The following SPAG9 variants were observed in gnomAD, a reference collection of about 807,000 sequenced individuals.
SPAG9 encodes the protein sperm associated antigen 9.
In SPAG9, 35 loss-of-function variants were observed where a neutral mutation model predicts 166.5. That is an observed-to-expected ratio of 0.21 (90% confidence interval 0.16 to 0.28). The LOEUF is 0.28. SPAG9 is among the 10% of genes least tolerant of loss of function. SPAG9 has a pLI of 1.00. For synonymous variants in SPAG9, 534 were observed against 565.5 expected, an observed-to-expected ratio of 0.94 and a Z score of 0.79; for missense variants, 1,235 against 1,603.3, an observed-to-expected ratio of 0.77 and a Z score of 3.92.
At chr17:51,062,726 G>C (rs1397633339) in intron 2 of SPAG9, among the ~76,000 whole-genome samples, 2 of 152,160 alleles carry the variant, frequency 1.3e-5, no homozygotes, top group African/African-American at 4.8e-5. Flanking sequence ...GAGTAGCTGG[G>C]ACTACAGGCA....
In SPAG9 at chr17:50,965,215, C is replaced by A. The variant is rs1973303663; in HGVS notation, c.*1057G>T. On this transcript the variant is annotated 3_prime_UTR_variant, in exon 30 of 30. Transcript: ENST00000262013. The stretch of plus-strand genomic sequence containing the variant: ...GGCACAAAAGCTAAAACGTTATTCA[C>A]GTACAAAATACCAAGTATATAGCTG... The A allele has an allele frequency of 1.3e-5, 2 of 152,178 alleles. No individual in the cohort carries two copies. The highest frequency in any genetic ancestry group is 2.1e-4 in the South Asian group (1 of 4,834). 9.4% of individuals were successfully genotyped at this position (152,178 alleles called of 1,614,324 possible).
chr17:51,098,110 C>T (rs1325725519), intron 1 of SPAG9, among the ~76,000 whole-genome samples: 3 of 152,108 alleles, frequency 2.0e-5, no homozygotes, highest in Admixed American at 6.6e-5. Context: ...AGGCATGAGC[C>T]ACTGCACCTG....
intron 1 of SPAG9, among the ~76,000 whole-genome samples, chr17:51,104,560 C>T (rs925290100): frequency 2.0e-5 from 3 of 151,904 alleles, no homozygotes; most frequent in Non-Finnish European, 1.5e-5. Flanking sequence ...CGCTTGAACC[C>T]GGGAGGTGGA....
intron 3 of SPAG9, among the ~76,000 whole-genome samples, chr17:51,055,266 T>C (rs925902691): frequency 6.6e-6 from 1 of 151,872 alleles, no homozygotes; most frequent in Non-Finnish European, 1.5e-5. Context: ...GGGAGGAGAA[T>C]CGCTTGAACC....
intron 18 of SPAG9, among the ~76,000 whole-genome samples, chr17:50,994,436 C>A (rs948544690): frequency 6.6e-6 from 1 of 152,064 alleles, no homozygotes; most frequent in Admixed American, 6.6e-5. Flanking sequence ...AACCACCTAT[C>A]AATATTAATT....
intron 28 of SPAG9, among the ~76,000 whole-genome samples, chr17:50,973,436 C>G (rs1028221172): frequency 3.9e-5 from 6 of 151,918 alleles, no homozygotes; most frequent in Non-Finnish European, 8.8e-5. Flanking sequence ...AATGACTATA[C>G]AAATATATAA....
At chr17:51,048,006 G>A (rs2047077768) in intron 3 of SPAG9, among the ~76,000 whole-genome samples, 1 of 151,958 alleles carries the variant, frequency 6.6e-6, no homozygotes, top group Non-Finnish European at 1.5e-5. Flanking sequence ...TCTTCTTTCG[G>A]TATATTTAGT....
intron 29 of SPAG9, among the ~76,000 whole-genome samples, chr17:50,966,746 T>C (rs1280732696): frequency 2.6e-5 from 4 of 152,190 alleles, no homozygotes; most frequent in African/African-American, 7.2e-5. Context: ...GTCACTTATT[T>C]TAAACTAAGA....
Position 50,965,391 on chromosome 17 carries a change from T to C in SPAG9, c.*881A>G, listed in dbSNP as rs1222102309. 6.6e-6 allele frequency: 1 copy of C among 152,216 alleles called. No homozygotes were observed. The highest frequency in any genetic ancestry group is 1.5e-5 in the Non-Finnish European group (1 of 68,038). 9.4% of individuals were successfully genotyped at this position (152,216 alleles called of 1,614,324 possible). ...ACATTTGGCAAACAAGTACATTTTT[T>C]ACATGGAAAAAACTCAATCAACATC... On this transcript the variant is annotated 3_prime_UTR_variant, in exon 30 of 30. Coordinates refer to ENST00000262013, the MANE Select transcript of SPAG9 (RefSeq NM_001130528.3).
chr17:51,014,660 C>T (rs1419814689), intron 8 of SPAG9: 2 of 221,202 alleles, frequency 9.0e-6, no homozygotes, highest in African/African-American at 4.5e-5. Context: ...TTACCTATGT[C>T]ACAAGAAGGC....
intron 2 of SPAG9, among the ~76,000 whole-genome samples, chr17:51,076,972 T>C (rs943952161): frequency 6.9e-6 from 1 of 145,624 alleles, no homozygotes; most frequent in Admixed American, 7.3e-5. Context: ...CTTGTCTCTA[T>C]CTATCTATCT....
chr17:50,980,790 G>A (rs756517488), intron 25 of SPAG9, among the ~76,000 whole-genome samples: 1 of 114,730 alleles, frequency 8.7e-6, no homozygotes, highest in Non-Finnish European at 2.1e-5. Flanking sequence ...TTGAGCCCAG[G>A]AGTTTGAGGC....
chr17:51,090,740 A>G (rs1445902115), intron 1 of SPAG9, among the ~76,000 whole-genome samples: 3 of 152,206 alleles, frequency 2.0e-5, no homozygotes, highest in Non-Finnish European at 4.4e-5. Context: ...GTTAAGGCTG[A>G]TAAGAGATGG....
intron 5 of SPAG9, among the ~76,000 whole-genome samples, chr17:51,033,023 G>GT (rs57702261): frequency 7.6e-4 from 112 of 146,748 alleles, no homozygotes; most frequent in Middle Eastern, 3.5e-3. Flanking sequence ...AACAGATGTG[G>GT]TTTTTTTTTT....
chr17:51,095,960 T>TATATATATAGTGATATATATATATAGTG (rs1555659785), intron 1 of SPAG9, among the ~76,000 whole-genome samples: 2 of 79,912 alleles, frequency 2.5e-5, no homozygotes, highest in African/African-American at 1.6e-4. Context: ...TATATAGTGA[T>TATATATATAGTGATATATATATATAGTG]ATATATATAT....
intron 19 of SPAG9, among the ~76,000 whole-genome samples, chr17:50,992,167 T>C (rs1267862137): frequency 3.3e-5 from 5 of 151,792 alleles, no homozygotes; most frequent in African/African-American, 9.7e-5. Flanking sequence ...GGATTATGAG[T>C]GTGAACCTCC....
At position 51,077,061 on chromosome 17, in the gene SPAG9, T is replaced by G. The variant is rs371766339; in HGVS notation, c.424+2523A>C. Among the ~76,000 whole-genome samples the G allele has an allele frequency of 7.3e-3, 796 of 109,456 alleles. 5 individuals carry two copies. The highest frequency in any genetic ancestry group is 0.021 in the Middle Eastern group (5 of 236). 71.8% of individuals were successfully genotyped at this position (109,456 alleles called of 152,430 possible). ...AGCTATCTAGCTATCTAGCTAGCTA[T>G]CTAGCTAGCTATCTAGCTATCTAGC... On this transcript the variant is annotated intron_variant, in intron 2 of 29. Coordinates refer to ENST00000262013, the MANE Select transcript of SPAG9 (RefSeq NM_001130528.3).
chr17:51,073,092 G>A (rs1016570729), intron 2 of SPAG9, among the ~76,000 whole-genome samples: 3 of 152,146 alleles, frequency 2.0e-5, no homozygotes, highest in African/African-American at 7.2e-5. Context: ...TTGGGAGGCA[G>A]AGGTGGGCGG....
At chr17:51,034,845 G>T (rs997824570) in intron 5 of SPAG9, among the ~76,000 whole-genome samples, 1 of 151,788 alleles carries the variant, frequency 6.6e-6, no homozygotes, top group Admixed American at 6.6e-5. Context: ...TTATATTCTC[G>T]CCAAAAATAC....
Sources: allele counts gnomAD v4.1 joint callset (sites outside exome capture counted in the v4.1 genomes callset), GRCh38; gene constraint gnomAD v4.1.1; transcripts MANE v1.5; gene names NCBI Gene and HGNC (gene_info 2026-07-23, HGNC 2026-07-21).